SHC4: variants seen among roughly 807,000 people sequenced by gnomAD.
The protein encoded by SHC4 is SHC adaptor protein 4, also known as SHC-transforming protein 4.
Under a neutral mutation model 69.4 loss-of-function variants are expected in SHC4, and 41 were observed. The ratio of observed to expected loss-of-function variants is 0.59; its 90% confidence interval spans 0.46 to 0.77. The LOEUF (loss-of-function observed/expected upper bound fraction) is 0.77, where lower values mean the gene tolerates loss of function less well. SHC4 is among the 30% of genes least tolerant of loss of function. The probability of loss-of-function intolerance (pLI) is 0.00; values close to 1 mark genes in which losing one functional copy is unlikely to be tolerated. For missense variants in SHC4, 777 were observed against 783.8 expected, an observed-to-expected ratio of 0.99 and a Z score of 0.10; for synonymous variants, 318 against 299.3, an observed-to-expected ratio of 1.06 and a Z score of -0.64.
rs925241103 is a variant in SHC4 at position 48,824,861 on chromosome 15, T to C, written c.*1110A>G. Reference sequence around the variant, plus strand: ...GTAATGCTTTTCTGTACACCATGCTTAATCACTCTGTTAGTTTACCAGTTG... The same window carrying C: ...GTAATGCTTTTCTGTACACCATGCTCAATCACTCTGTTAGTTTACCAGTTG... On this transcript the variant is annotated 3_prime_UTR_variant, in exon 12 of 12. Transcript: ENST00000332408. The C allele has an allele frequency of 3.3e-5, 5 of 152,568 alleles. No homozygotes were observed. The highest frequency in any genetic ancestry group is 1.2e-4 in the African/African-American group (5 of 41,446). 9.5% of individuals were successfully genotyped at this position (152,568 alleles called of 1,614,324 possible).
At chr15:48,930,592 G>A (rs763677971) in intron 1 of SHC4, among the ~76,000 whole-genome samples, 7 of 152,148 alleles carry the variant, frequency 4.6e-5, no homozygotes, top group South Asian at 4.1e-4. Context: ...AGCTACAATC[G>A]TGCCATTGCA....
At chr15:48,929,232 T>C (rs527546568) in intron 1 of SHC4, among the ~76,000 whole-genome samples, 3 of 152,312 alleles carry the variant, frequency 2.0e-5, no homozygotes, top group African/African-American at 7.2e-5. Flanking sequence ...CATAAGCAGA[T>C]AGTGGCTGAA....
intron 9 of SHC4, among the ~76,000 whole-genome samples, chr15:48,845,206 T>C (rs1389876342): frequency 6.6e-6 from 1 of 152,178 alleles, no homozygotes; most frequent in Non-Finnish European, 1.5e-5. Context: ...ATACTGAATT[T>C]CACATCAGGG....
At chr15:48,949,077 C>G (rs991805674) in intron 1 of SHC4, among the ~76,000 whole-genome samples, 22 of 151,830 alleles carry the variant, frequency 1.4e-4, no homozygotes, top group Admixed American at 1.3e-3. Flanking sequence ...TACCTCAAAA[C>G]CTTAGGCAGG....
chr15:48,956,974 CTTT>C (rs773067812), intron 1 of SHC4, among the ~76,000 whole-genome samples: 2 of 19,568 alleles, frequency 1.0e-4, no homozygotes, highest in Non-Finnish European at 1.2e-4. Context: ...TTCTTTCTTT[CTTT>C]TTTTTTTTTT....
intron 2 of SHC4, among the ~76,000 whole-genome samples, chr15:48,894,540 T>A (rs1900189880): frequency 6.6e-6 from 1 of 152,200 alleles, no homozygotes; most frequent in African/African-American, 2.4e-5. Flanking sequence ...TACTAACAGA[T>A]GTTCTTTATT....
Position 48,888,436 on chromosome 15 carries a change from G to C in SHC4, c.720+2312C>G, listed in dbSNP as rs892829570. On this transcript the variant is annotated intron_variant, in intron 3 of 11. Transcript: ENST00000332408. Reference sequence around the variant, plus strand: ...CTCAAAATCATAGAGACAGAAAGTAGAATTTTGGTTGCCAGGGGCCGGGGC... The same window carrying C: ...CTCAAAATCATAGAGACAGAAAGTACAATTTTGGTTGCCAGGGGCCGGGGC... 1.3e-5 allele frequency among the ~76,000 whole-genome samples: 2 copies of C among 152,132 alleles called. 1 individual carries two copies. Among genetic ancestry groups the C allele is most frequent in the South Asian group, 4.1e-4 (2 of 4,830 alleles).
intron 4 of SHC4, chr15:48,878,229 A>G: frequency 1.2e-6 from 2 of 1,607,140 alleles, no homozygotes; most frequent in Non-Finnish European, 1.7e-6. Flanking sequence ...AGTGACCTGC[A>G]GATGGATGTG....
Position 48,843,430 on chromosome 15 carries a change from C to G in SHC4, c.1462G>C (p.Gly488Arg), listed in dbSNP as rs930269835. 2 of 1,613,264 alleles carry G rather than the reference C, an allele frequency of 1.2e-6. No homozygotes were observed. Among genetic ancestry groups the G allele is most frequent in the Non-Finnish European group, 1.7e-6 (2 of 1,179,470 alleles). ...AGNQRSAQPLGSPWHCGKAPE... is the reference protein window; with the variant it reads ...AGNQRSAQPLRSPWHCGKAPE... ...TTACTTCCGCAGTGCCATGGGCTCCCCAGTGGTTGGGCTGACCTTTGATTT... is the reference window on the plus strand; with the variant it reads ...TTACTTCCGCAGTGCCATGGGCTCCGCAGTGGTTGGGCTGACCTTTGATTT... The change falls in exon 10 of 12, where the codon GGG becomes CGG. Residue 488 changes from glycine (G) to arginine (R), a missense_variant. Gly to Arg is a moderately radical substitution (Grantham distance 125). Coordinates refer to ENST00000332408, the MANE Select transcript of SHC4 (RefSeq NM_203349.4).
intron 8 of SHC4, among the ~76,000 whole-genome samples, chr15:48,852,899 C>T (rs1357338706): frequency 1.5e-5 from 2 of 131,384 alleles, no homozygotes; most frequent in African/African-American, 5.5e-5. Context: ...GAGACTCTGT[C>T]TCAAAAAAAT....
intron 6 of SHC4, among the ~76,000 whole-genome samples, chr15:48,866,883 G>A (rs1595737890): frequency 2.0e-5 from 3 of 152,228 alleles, no homozygotes; most frequent in East Asian, 1.9e-4. Flanking sequence ...TCCCTAAGAG[G>A]AGTCTGAATG....
At chr15:48,918,374 T>G (rs1900671349) in intron 2 of SHC4, among the ~76,000 whole-genome samples, 1 of 152,204 alleles carries the variant, frequency 6.6e-6, no homozygotes, top group South Asian at 2.1e-4. Flanking sequence ...CAAGGCCATA[T>G]GGACCACTTT....
Position 48,878,947 on chromosome 15 carries a change from A to T in SHC4, c.840+5301T>A, listed in dbSNP as rs1899886158. The stretch of plus-strand genomic sequence containing the variant: ...AAAGAAAAAGAAAAAAGATTTTAAG[A>T]CCGTTGAAATCAATTATCAAGAACG... On this transcript the variant is annotated intron_variant, in intron 4 of 11. Transcript: ENST00000332408. 23 of 490,494 alleles carry T rather than the reference A, an allele frequency of 4.7e-5. No individual in the cohort carries two copies. The South Asian group carries it at 9.3e-4, about 20-fold the overall frequency. The allele number at this position is 490,494 out of a possible 1,614,324, so 30.4% of individuals were successfully genotyped here. A position where few individuals can be genotyped will look rare whatever the true frequency, so the allele number is the denominator to read the frequency against.
rs527840138 is a variant in SHC4 at position 48,937,845 on chromosome 15, T to C, written c.586-12896A>G. On this transcript the variant is annotated intron_variant, in intron 1 of 11. Transcript: ENST00000332408. ...TTCTGTGTTCTCTGAAAACAGGAAT[T>C]GCTTTGTACAACGGTGAATTCTCCT... 3.3e-5 allele frequency among the ~76,000 whole-genome samples: 5 copies of C among 152,346 alleles called. No individual in the cohort carries two copies. The South Asian group carries it at 6.2e-4, about 19-fold the overall frequency.
intron 10 of SHC4, among the ~76,000 whole-genome samples, chr15:48,838,800 T>C (rs1433496607): frequency 1.3e-5 from 2 of 152,140 alleles, no homozygotes. Context: ...AGGAGACTAC[T>C]CAATCAATAG....
chr15:48,961,679 T>A (rs1901548504), intron 1 of SHC4, among the ~76,000 whole-genome samples: 1 of 152,266 alleles, frequency 6.6e-6, no homozygotes, highest in Non-Finnish European at 1.5e-5. Flanking sequence ...TGCTAAGTAT[T>A]ATTATCTTAG....
intron 1 of SHC4, among the ~76,000 whole-genome samples, chr15:48,926,757 C>T (rs577455998): frequency 6.6e-6 from 1 of 152,294 alleles, no homozygotes; most frequent in South Asian, 2.1e-4. Flanking sequence ...GCCACCGCAT[C>T]CTGCTGTATA....
chr15:48,853,297 C>A (rs1006953815), intron 8 of SHC4, among the ~76,000 whole-genome samples: 14 of 152,034 alleles, frequency 9.2e-5, no homozygotes, highest in Non-Finnish European at 1.8e-4. Flanking sequence ...AAAGTCTCTA[C>A]AAGGAGAACA....
intron 2 of SHC4, among the ~76,000 whole-genome samples, chr15:48,908,973 A>G (rs1458431379): frequency 6.6e-6 from 1 of 152,148 alleles, no homozygotes. Context: ...GTTTGAAATC[A>G]AGTAATGTGA....
Sources: allele counts gnomAD v4.1 joint callset (sites outside exome capture counted in the v4.1 genomes callset), GRCh38; gene constraint gnomAD v4.1.1; transcripts MANE v1.5; gene names NCBI Gene and HGNC (gene_info 2026-07-23, HGNC 2026-07-21).